The following GRIK3 variants were observed in gnomAD, a reference collection of about 807,000 sequenced individuals.
GRIK3 encodes the protein glutamate receptor ionotropic, kainate 3.
A neutral mutation model predicts 102.5 loss-of-function variants in GRIK3; 29 were observed. The ratio of observed to expected loss-of-function variants is 0.28; its 90% CI spans 0.21 to 0.39. The LOEUF (loss-of-function observed/expected upper bound fraction) is 0.39. Among genes scored for constraint, GRIK3 ranks in the 10% least tolerant of loss-of-function variants. The pLI is 1.00. For missense variants in GRIK3, 908 were observed against 1,252.4 expected (o/e 0.73, Z 4.15); for synonymous variants, 511 against 504.9 (o/e 1.01, Z -0.16).
intron 4 of GRIK3, among the ~76,000 whole-genome samples, chr1:36,871,946 C>T (rs956505606): frequency 1.3e-5 from 2 of 152,196 alleles, no homozygotes; most frequent in South Asian, 4.1e-4. Flanking sequence ...CTGTGTCAGG[C>T]CGGGCTGGGC....
chr1:36,960,020 C>G (rs1641986815), intron 1 of GRIK3, among the ~76,000 whole-genome samples: 1 of 97,324 alleles, frequency 1.0e-5, no homozygotes, highest in African/African-American at 3.5e-5. Flanking sequence ...CCCCATAAGT[C>G]TGTGTGCCCC....
Position 36,817,201 on chromosome 1 carries a change from G to T in GRIK3, c.1950C>A (p.Ile650=). ...CAGCCAGGTTGGCCGTGTAGGAAGA[G>T]ATGATGATGAGCGTGAAGAACCACC... ...GIWWFFTLII[I]SSYTANLAAF... Residue 650 remains isoleucine, a synonymous_variant, in exon 13 of 16, where the codon ATC becomes ATA. Coordinates refer to ENST00000373091, the MANE Select transcript of GRIK3 (RefSeq NM_000831.4). The T allele has an allele frequency of 6.2e-7, 1 of 1,613,838 alleles. No homozygotes were observed. Among genetic ancestry groups the T allele is most frequent in the Non-Finnish European group, 8.5e-7 (1 of 1,179,716 alleles).
At chr1:36,804,692 T>C (rs886895241) in intron 15 of GRIK3, 10 of 512,170 alleles carry the variant, frequency 2.0e-5, no homozygotes, top group Admixed American at 7.3e-5. Flanking sequence ...TACCAGTTGC[T>C]GTGTGAATTG....
At chr1:36,851,041 C>G (rs1378870332) in intron 8 of GRIK3, among the ~76,000 whole-genome samples, 1 of 152,222 alleles carries the variant, frequency 6.6e-6, no homozygotes, top group Admixed American at 6.5e-5. Context: ...TCCTAAAGCC[C>G]TGGGCCTCTT....
intron 1 of GRIK3, among the ~76,000 whole-genome samples, chr1:36,945,020 T>C (rs947679098): frequency 6.6e-6 from 1 of 152,348 alleles, no homozygotes; most frequent in Non-Finnish European, 1.5e-5. Context: ...CCAGCCATGC[T>C]GGCCTGTGGG....
At chr1:36,953,137 A>T (rs1641865043) in intron 1 of GRIK3, among the ~76,000 whole-genome samples, 1 of 152,216 alleles carries the variant, frequency 6.6e-6, no homozygotes, top group Non-Finnish European at 1.5e-5. Flanking sequence ...GTGCAGACAC[A>T]ACACTTCACT....
chr1:36,881,636 C>A (rs1298114281), intron 2 of GRIK3, among the ~76,000 whole-genome samples: 1 of 152,206 alleles, frequency 6.6e-6, no homozygotes, highest in Non-Finnish European at 1.5e-5. Context: ...TCATCTTTGG[C>A]TTGGATTATT....
At chr1:36,992,043 A>T (rs1158399108) in intron 1 of GRIK3, among the ~76,000 whole-genome samples, 2 of 152,122 alleles carry the variant, frequency 1.3e-5, no homozygotes, top group African/African-American at 2.4e-5. Context: ...TCCCAGGAGA[A>T]AGCCCGACTC....
intron 1 of GRIK3, among the ~76,000 whole-genome samples, chr1:36,930,217 G>T (rs139179773): frequency 4.5e-4 from 68 of 152,314 alleles, no homozygotes; most frequent in African/African-American, 1.6e-3. Context: ...GGGCCTTCTT[G>T]GAGGCTGGCT....
intron 10 of GRIK3, among the ~76,000 whole-genome samples, chr1:36,834,470 A>C (rs1233071537): frequency 6.6e-6 from 1 of 152,144 alleles, no homozygotes; most frequent in African/African-American, 2.4e-5. Flanking sequence ...ATATATTTAA[A>C]TAGATGGGGA....
chr1:36,941,215 A>G (rs1641715621), intron 1 of GRIK3, among the ~76,000 whole-genome samples: 1 of 152,184 alleles, frequency 6.6e-6, no homozygotes, highest in African/African-American at 2.4e-5. Flanking sequence ...GCAGCCTGGC[A>G]AGATGATCCC....
At chr1:36,853,985 C>T (rs950238357) in intron 7 of GRIK3, among the ~76,000 whole-genome samples, 4 of 152,272 alleles carry the variant, frequency 2.6e-5, no homozygotes, top group African/African-American at 4.8e-5. Context: ...AATGAGCCCC[C>T]GCCCTGAAGT....
intron 5 of GRIK3, among the ~76,000 whole-genome samples, chr1:36,867,398 G>A (rs1640797063): frequency 6.6e-6 from 1 of 152,062 alleles, no homozygotes; most frequent in Non-Finnish European, 1.5e-5. Flanking sequence ...TAGCATCCCT[G>A]ATCCCCACTC....
At chr1:36,908,938 C>A (rs777103874) in intron 1 of GRIK3, among the ~76,000 whole-genome samples, 4 of 152,164 alleles carry the variant, frequency 2.6e-5, no homozygotes, top group Non-Finnish European at 5.9e-5. Context: ...ACAACCACAG[C>A]AGTAATAACA....
intron 1 of GRIK3, among the ~76,000 whole-genome samples, chr1:36,986,464 G>T (rs1434711331): frequency 6.9e-5 from 5 of 72,158 alleles, no homozygotes; most frequent in South Asian, 4.2e-4. Flanking sequence ...CCATCCATCA[G>T]CCCATCCATC....
intron 1 of GRIK3, among the ~76,000 whole-genome samples, chr1:36,916,806 C>T (rs944802434): frequency 9.2e-5 from 14 of 152,124 alleles, no homozygotes; most frequent in African/African-American, 3.4e-4. Context: ...GGGTGGGGCC[C>T]TCATGGAGAA....
intron 1 of GRIK3, among the ~76,000 whole-genome samples, chr1:37,023,067 G>A (rs1642732043): frequency 6.6e-6 from 1 of 152,106 alleles, no homozygotes; most frequent in Non-Finnish European, 1.5e-5. Flanking sequence ...AGTGGCTCAC[G>A]TCTGTAATCT....
chr1:36,878,478 G>T (rs1408239629), intron 3 of GRIK3, among the ~76,000 whole-genome samples: 3 of 152,226 alleles, frequency 2.0e-5, no homozygotes, highest in African/African-American at 7.2e-5. Context: ...CCATTAGGAG[G>T]TAATCAAAAG....
intron 1 of GRIK3, among the ~76,000 whole-genome samples, chr1:37,006,028 G>A (rs1162775493): frequency 6.6e-6 from 1 of 152,196 alleles, no homozygotes; most frequent in Non-Finnish European, 1.5e-5. Flanking sequence ...ATAAGGCCCG[G>A]AGTTAAGGAG....
Sources: gnomAD v4.1 joint callset for allele counts (sites outside exome capture counted in the v4.1 genomes callset) on GRCh38, gnomAD v4.1.1 for gene constraint, MANE v1.5 for transcripts, NCBI Gene and HGNC (gene_info 2026-07-23, HGNC 2026-07-21) for gene names.